IQCM: variants seen among roughly 807,000 people sequenced by gnomAD.
IQCM encodes IQ domain-containing protein M.
Under a neutral mutation model 57.6 loss-of-function variants are expected in IQCM, and 45 were observed. The observed-to-expected ratio is 0.78, with a 90% CI of 0.62 to 1.00. The LOEUF (loss-of-function observed/expected upper bound fraction) is 1.00, where lower values mean the gene tolerates loss of function less well. IQCM is among the 50% of genes least tolerant of loss of function. IQCM has a pLI of 0.00. For missense variants in IQCM, 468 were observed against 511.6 expected, an observed-to-expected ratio of 0.91 and a Z score of 0.82; for synonymous variants, 148 against 158.9, an observed-to-expected ratio of 0.93 and a Z score of 0.51.
At chr4:149,546,206 C>T (rs1748401813) in intron 12 of IQCM, among the ~76,000 whole-genome samples, 1 of 152,166 alleles carries the variant, frequency 6.6e-6, no homozygotes, top group Non-Finnish European at 1.5e-5. Context: ...TTTTCTTAAT[C>T]CAGTCTATCA....
At chr4:149,408,005 G>C (rs779059325) in intron 13 of IQCM, among the ~76,000 whole-genome samples, 8 of 152,058 alleles carry the variant, frequency 5.3e-5, no homozygotes, top group Non-Finnish European at 1.0e-4. Flanking sequence ...ACCAACATCT[G>C]CTGTTTTTTG....
intron 13 of IQCM, among the ~76,000 whole-genome samples, chr4:149,368,525 C>T (rs1327093227): frequency 6.6e-6 from 1 of 151,586 alleles, no homozygotes; most frequent in East Asian, 1.9e-4. Context: ...GATAACAAAT[C>T]CATTTTCAGT....
At chr4:149,726,088 A>AAAGAAAGG (rs1765880550) in intron 5 of IQCM, among the ~76,000 whole-genome samples, 1 of 139,390 alleles carries the variant, frequency 7.2e-6, no homozygotes, top group Admixed American at 7.2e-5. Context: ...AGAAAGAAAG[A>AAAGAAAGG]AAGAAAGAAA....
At chr4:149,715,227 T>C (rs1295072632) in intron 5 of IQCM, among the ~76,000 whole-genome samples, 3 of 152,122 alleles carry the variant, frequency 2.0e-5, no homozygotes, top group African/African-American at 7.2e-5. Context: ...CTGGCCCAGA[T>C]CCCATGCCTG....
chr4:149,681,403 T>TGG (rs1762166667), intron 7 of IQCM, among the ~76,000 whole-genome samples: 1 of 151,230 alleles, frequency 6.6e-6, no homozygotes, highest in Non-Finnish European at 1.5e-5. Flanking sequence ...AAATTTTAGT[T>TGG]TTGGTGAATA....
intron 8 of IQCM, among the ~76,000 whole-genome samples, chr4:149,617,646 T>C (rs1755916914): frequency 6.6e-6 from 1 of 151,986 alleles, no homozygotes; most frequent in South Asian, 2.1e-4. Context: ...AACAGATAAA[T>C]GAACTCAGTA....
intron 8 of IQCM, among the ~76,000 whole-genome samples, chr4:149,612,200 C>T (rs557309495): frequency 1.3e-5 from 2 of 152,060 alleles, no homozygotes; most frequent in African/African-American, 4.8e-5. Flanking sequence ...ACTCAATTAC[C>T]TCCCACCAGG....
intron 8 of IQCM, among the ~76,000 whole-genome samples, chr4:149,613,215 G>T (rs1755460453): frequency 6.6e-6 from 1 of 151,630 alleles, no homozygotes; most frequent in Non-Finnish European, 1.5e-5. Context: ...GAGGAGAGAA[G>T]AAAAAGCGCA....
intron 5 of IQCM, among the ~76,000 whole-genome samples, chr4:149,708,759 AT>A (rs909020023): frequency 3.9e-5 from 6 of 152,110 alleles, no homozygotes; most frequent in African/African-American, 1.4e-4. Flanking sequence ...TAGGAGTCAT[AT>A]TTTTTCTATG....
intron 12 of IQCM, among the ~76,000 whole-genome samples, chr4:149,544,042 G>GCATC (rs1219295001): frequency 2.6e-5 from 4 of 152,110 alleles, no homozygotes; most frequent in African/African-American, 7.2e-5. Context: ...ATACAATGAA[G>GCATC]CATCCATCTT....
chr4:149,537,722 T>C (rs1747439704), intron 12 of IQCM, among the ~76,000 whole-genome samples: 1 of 151,662 alleles, frequency 6.6e-6, no homozygotes, highest in East Asian at 1.9e-4. Flanking sequence ...AAAGAGAAAA[T>C]GCCTCATCAT....
At chr4:149,507,993 G>T (rs1387467382) in intron 12 of IQCM, among the ~76,000 whole-genome samples, 1 of 151,902 alleles carries the variant, frequency 6.6e-6, no homozygotes, top group Non-Finnish European at 1.5e-5. Flanking sequence ...GGCACAGCTT[G>T]AGCTGCTGCT....
intron 10 of IQCM, among the ~76,000 whole-genome samples, chr4:149,555,315 A>G (rs1749473551): frequency 6.6e-6 from 1 of 152,164 alleles, no homozygotes; most frequent in South Asian, 2.1e-4. Context: ...ACTTCCCACA[A>G]TTTGAAGCCA....
intron 2 of IQCM, among the ~76,000 whole-genome samples, chr4:149,788,467 G>T (rs1232286401): frequency 6.6e-6 from 1 of 152,146 alleles, no homozygotes; most frequent in African/African-American, 2.4e-5. Context: ...TAGTTAGAAC[G>T]GCTACTGCAT....
At chr4:149,601,451 C>T (rs763707900) in intron 8 of IQCM, among the ~76,000 whole-genome samples, 2 of 152,110 alleles carry the variant, frequency 1.3e-5, no homozygotes, top group Non-Finnish European at 2.9e-5. Context: ...ATGTTCAGTA[C>T]AGATGCAATT....
chr4:149,563,327 G>A (rs564356730), intron 10 of IQCM, among the ~76,000 whole-genome samples: 62 of 152,270 alleles, frequency 4.1e-4, no homozygotes, highest in Non-Finnish European at 8.2e-4. Context: ...GAATTGCTAA[G>A]TTAAGGATAA....
intron 9 of IQCM, among the ~76,000 whole-genome samples, chr4:149,572,025 C>T (rs1751208043): frequency 6.6e-6 from 1 of 151,996 alleles, no homozygotes; most frequent in Non-Finnish European, 1.5e-5. Context: ...TAGAGCTCCC[C>T]TTCTTTATAT....
intron 10 of IQCM, among the ~76,000 whole-genome samples, chr4:149,557,386 T>A (rs1022294289): frequency 2.0e-5 from 3 of 152,168 alleles, no homozygotes; most frequent in African/African-American, 7.2e-5. Context: ...TGGGTAATTA[T>A]GTTACATCTC....
At chr4:149,513,680 A>C (rs1314779388) in intron 12 of IQCM, among the ~76,000 whole-genome samples, 1 of 152,162 alleles carries the variant, frequency 6.6e-6, no homozygotes, top group Non-Finnish European at 1.5e-5. Flanking sequence ...TATTTAATGA[A>C]TACTAAGAGC....
Sources: allele counts gnomAD v4.1 joint callset (sites outside exome capture counted in the v4.1 genomes callset), GRCh38; gene constraint gnomAD v4.1.1; transcripts MANE v1.5; gene names NCBI Gene and HGNC (gene_info 2026-07-23, HGNC 2026-07-21).